The following LAMP1 variants were observed in gnomAD, a reference collection of about 807,000 sequenced individuals.
LAMP1 encodes the protein lysosome associated membrane protein 1.
LAMP1 carries 7 observed loss-of-function variants against 37.5 expected under a neutral mutation model. The ratio of observed to expected loss-of-function variants is 0.19; its 90% confidence interval spans 0.11 to 0.35. The LOEUF is 0.35. LAMP1 is among the 10% of genes least tolerant of loss of function. LAMP1 has a pLI of 1.00. For missense variants in LAMP1, 537 were observed against 552.8 expected (o/e 0.97, Z 0.29); for synonymous variants, 236 against 229.1 (o/e 1.03, Z -0.27).
chr13:113,306,512 T>C lies in LAMP1; in HGVS notation c.89T>C (p.Met30Thr). ...CTCATGCATTGTGCGTCAGCAGCAA[T>C]GTTTATGGTGAAAAATGGCAACGGG... The part of the protein sequence containing the change: ...LGLMHCASAA[M>T]FMVKNGNGTA... Residue 30 changes from methionine to threonine, a missense_variant, in exon 2 of 9, where the codon ATG becomes ACG. By Grantham distance (81) the Met-to-Thr change is moderately conservative. Coordinates refer to ENST00000332556, the MANE Select transcript of LAMP1 (RefSeq NM_005561.4). 6.2e-7 allele frequency: 1 copy of C among 1,614,080 alleles called. No individual in the cohort carries two copies. The highest frequency in any genetic ancestry group is 8.5e-7 in the Non-Finnish European group (1 of 1,179,990).
chr13:113,304,019 A>G (rs1367363943), intron 1 of LAMP1, among the ~76,000 whole-genome samples: 1 of 152,160 alleles, frequency 6.6e-6, no homozygotes, highest in East Asian at 1.9e-4. Flanking sequence ...TGGGAGGTGG[A>G]GGGCTACTGC....
intron 4 of LAMP1, among the ~76,000 whole-genome samples, chr13:113,317,048 C>G (rs1392367560): frequency 3.3e-5 from 5 of 152,176 alleles, no homozygotes; most frequent in African/African-American, 1.2e-4. Context: ...CCAATCTCAT[C>G]CTCACAGACA....
intron 4 of LAMP1, among the ~76,000 whole-genome samples, chr13:113,315,994 T>C (rs2042661731): frequency 6.6e-6 from 1 of 152,096 alleles, no homozygotes; most frequent in South Asian, 2.1e-4. Context: ...TCCCCCCTAC[T>C]CAGGAGGCTG....
At chr13:113,309,535 A>T in intron 2 of LAMP1, 108 bp from the exon 3 acceptor site, 1 of 803,774 alleles carries the variant, frequency 1.2e-6, no homozygotes, top group Non-Finnish European at 2.0e-6. Context: ...GTGATATCTT[A>T]GTTGGAAATG....
intron 8 of LAMP1, 72 bp from the exon 9 acceptor site, chr13:113,322,210 T>C (rs1378388239): frequency 4.7e-5 from 69 of 1,473,284 alleles, no homozygotes; most frequent in Non-Finnish European, 5.6e-5. Context: ...TGTGGGGGAG[T>C]GGTGGGGAGA....
intron 4 of LAMP1, among the ~76,000 whole-genome samples, chr13:113,317,899 A>T (rs970536951): frequency 1.3e-5 from 2 of 152,196 alleles, no homozygotes; most frequent in African/African-American, 4.8e-5. Context: ...TATGTTGCCC[A>T]GGCTGGCCTT....
chr13:113,310,858 A>G lies in LAMP1; in HGVS notation c.553A>G (p.Ser185Gly). The G allele has an allele frequency of 6.2e-7, 1 of 1,613,550 alleles. No homozygotes were observed. The highest frequency in any genetic ancestry group is 8.5e-7 in the Non-Finnish European group (1 of 1,179,854). The stretch of plus-strand genomic sequence containing the variant: ...GGCGTACCTTTCCAACAGCAGCTTC[A>G]GCCGGGGAGGTAGGACGCTGACCCT... ...IQAYLSNSSF[S>G]RGETRCEQDR... Residue 185 changes from serine (S) to glycine (G), a missense_variant, in exon 4 of 9, where the codon AGC (serine) becomes GGC (glycine). Physicochemically the swap from Ser to Gly is moderately conservative, Grantham distance 56. Transcript: ENST00000332556.
At position 113,321,906 on chromosome 13, in the gene LAMP1, G is replaced by A; in HGVS notation, c.1114+179G>A. The A allele has an allele frequency of 1.6e-6, 1 of 637,888 alleles. No homozygotes were observed. The highest frequency in any genetic ancestry group is 2.7e-6 in the Non-Finnish European group (1 of 371,974). The allele number at this position is 637,888 out of a possible 1,614,324, so 39.5% of individuals were successfully genotyped here. On this transcript the variant is annotated intron_variant, in intron 8 of 8. Transcript: ENST00000332556. The surrounding 1 kb of genome is among the most constrained non-coding windows in gnomAD (Gnocchi z 5.6). ...ACTCCCCCTGCTTTAGAGAGGCCCA[G>A]CGTGTCTCTCAGCTGGGAGCCCCTG...
At chr13:113,315,923 C>T (rs1295358926) in intron 4 of LAMP1, among the ~76,000 whole-genome samples, 2 of 151,890 alleles carry the variant, frequency 1.3e-5, no homozygotes, top group African/African-American at 2.4e-5. Context: ...GCCAACATGG[C>T]GAAAACCCGT....
chr13:113,322,370 C>CAA lies in LAMP1; in HGVS notation c.1203_1204insAA (p.Ala402LysfsTer71). 6.2e-7 allele frequency: 1 copy of CAA among 1,604,350 alleles called. No individual in the cohort carries two copies. Among genetic ancestry groups the CAA allele is most frequent in the South Asian group, 1.1e-5 (1 of 89,658 alleles). On this transcript the variant is annotated frameshift_variant, in exon 9 of 9. Coordinates refer to ENST00000332556, the MANE Select transcript of LAMP1 (RefSeq NM_005561.4). LOFTEE classifies it high-confidence loss of function. The stretch of plus-strand genomic sequence containing the variant: ...CGGGGCTGGTCCTCATCGTCCTCAT[C>CAA]GCCTACCTCGTCGGCAGGAAGAGGA...
chr13:113,299,028 T>C (rs1595455563), intron 1 of LAMP1, among the ~76,000 whole-genome samples: 2 of 152,188 alleles, frequency 1.3e-5, no homozygotes, highest in Middle Eastern at 3.4e-3. Context: ...TAATCCCAGC[T>C]ACTTGGTAGG....
chr13:113,313,283 G>T (rs1423412188), intron 4 of LAMP1, among the ~76,000 whole-genome samples: 1 of 152,172 alleles, frequency 6.6e-6, no homozygotes, highest in African/African-American at 2.4e-5. Context: ...AGCTTGCTAG[G>T]TTCTTTTGAG....
chr13:113,300,512 GAAAA>G (rs2042565588), intron 1 of LAMP1, among the ~76,000 whole-genome samples: 1 of 142,282 alleles, frequency 7.0e-6, no homozygotes. Context: ...AAAAGAAAAA[GAAAA>G]GAAAGAAAAG....
chr13:113,311,499 A>G (rs76372342), intron 4 of LAMP1, among the ~76,000 whole-genome samples: 8,263 of 152,274 alleles, frequency 0.054, 620 homozygotes, highest in African/African-American at 0.16. Context: ...GATCTCTTGC[A>G]GTTTGAGCCA....
At chr13:113,313,118 C>A (rs949809679) in intron 4 of LAMP1, among the ~76,000 whole-genome samples, 3 of 152,120 alleles carry the variant, frequency 2.0e-5, no homozygotes, top group African/African-American at 4.8e-5. Context: ...CTCCCCATGT[C>A]GCTCTGTGAC....
intron 1 of LAMP1, among the ~76,000 whole-genome samples, chr13:113,303,163 C>T (rs981985390): frequency 2.1e-4 from 32 of 152,262 alleles, no homozygotes; most frequent in African/African-American, 4.3e-4. Flanking sequence ...TCCTCCTGCT[C>T]GTGGGTGCAG....
chr13:113,300,235 C>T (rs1278785739), intron 1 of LAMP1, among the ~76,000 whole-genome samples: 18 of 152,182 alleles, frequency 1.2e-4, no homozygotes, highest in Admixed American at 1.2e-3. Flanking sequence ...AATCTCAGCA[C>T]TTTGGGAGGC....
Position 113,309,865 on chromosome 13 carries a change from A to G in LAMP1, c.403+3A>G. ...TTTCCCCAATGCGAGCTCCAAAGGT[A>G]AGAACCAAAATGGGCCGATTATGAA... On this transcript the variant is annotated splice_donor_region_variant and intron_variant, in intron 3 of 8. Coordinates refer to ENST00000332556, the MANE Select transcript of LAMP1 (RefSeq NM_005561.4). The G allele has an allele frequency of 6.2e-7, 1 of 1,609,700 alleles. No individual in the cohort carries two copies. Among genetic ancestry groups the G allele is most frequent in the Non-Finnish European group, 8.5e-7 (1 of 1,177,424 alleles).
rs2139375810 is a variant in LAMP1, at chr13:113,320,252, T to C, written c.751-93T>C. ...CTTCTGGTTTTGGTTAAAACAAATG[T>C]GGCCTTGAATTCACGGTTTCAGGAC... On this transcript the variant is annotated intron_variant, in intron 5 of 8. Coordinates refer to ENST00000332556, the MANE Select transcript of LAMP1 (RefSeq NM_005561.4). The surrounding 1 kb of genome is among the most constrained non-coding windows in gnomAD (Gnocchi z 4.4). 8.2e-6 allele frequency: 12 copies of C among 1,465,696 alleles called. No homozygotes were observed. In the South Asian group the frequency reaches 1.4e-4, roughly 17 times the overall value. 90.8% of individuals were successfully genotyped at this position (1,465,696 alleles called of 1,614,324 possible). A position where few individuals can be genotyped will look rare whatever the true frequency, so the allele number is the denominator to read the frequency against.
Sources: gnomAD v4.1 joint callset for allele counts (sites outside exome capture counted in the v4.1 genomes callset) on GRCh38, gnomAD v4.1.1 for gene constraint, Gnocchi (gnomAD v3.1) non-coding constraint, MANE v1.5 for transcripts, NCBI Gene and HGNC (gene_info 2026-07-23, HGNC 2026-07-21) for gene names.